The following DNAH17 variants were observed in gnomAD, a reference collection of about 807,000 sequenced individuals.
DNAH17 encodes the protein dynein axonemal heavy chain 17, also known as axonemal beta dynein heavy chain 17.
A neutral mutation model predicts 485.6 loss-of-function variants in DNAH17; 376 were observed. The observed-to-expected ratio is 0.77, with a 90% CI of 0.71 to 0.84. DNAH17 has a LOEUF of 0.84. DNAH17 is among the 40% of genes least tolerant of loss of function. The pLI is 0.00. For synonymous variants in DNAH17, 3,031 were observed against 2,405.9 expected, an observed-to-expected ratio of 1.26 and a Z score of -7.60; for missense variants, 6,370 against 5,839.3, an observed-to-expected ratio of 1.09 and a Z score of -2.96.
At chr17:78,433,921 GA>G (rs1369056006) in intron 75 of DNAH17, 107 bp downstream of exon 75, 73 of 819,302 alleles carry the variant, frequency 8.9e-5, no homozygotes, top group Non-Finnish European at 1.2e-4. Context: ...GAAAGGGAGG[GA>G]AGGAAGGAGG....
intron 36 of DNAH17, 197 bp downstream of exon 36, chr17:78,500,108 C>T (rs1364335817): frequency 3.4e-6 from 2 of 585,104 alleles, no homozygotes; most frequent in Admixed American, 3.3e-5. Flanking sequence ...TGCGTCTGTC[C>T]ACCCTGGAAG....
chr17:78,474,003 C>T (rs1478946809), intron 54 of DNAH17, among the ~76,000 whole-genome samples: 1 of 152,160 alleles, frequency 6.6e-6, no homozygotes, highest in Non-Finnish European at 1.5e-5. Context: ...CAGGCCGGCC[C>T]CTTTATACAT....
At position 78,501,766 on chromosome 17, in the gene DNAH17, C is replaced by T. The variant is rs772199855; in HGVS notation, c.5298G>A (p.Val1766=). The T allele has an allele frequency of 6.8e-6, 11 of 1,613,524 alleles. No individual in the cohort carries two copies. The South Asian group carries it at 1.1e-4, about 16-fold the overall frequency. Residue 1766 remains valine, a synonymous_variant, in exon 34 of 81, where the codon GTG becomes GTA. Coordinates refer to ENST00000389840, the MANE Select transcript of DNAH17 (RefSeq NM_173628.4). ...ICTIDVHARD[V]VAKMIVAKVE... is the part of the protein sequence containing the mutation. Reference sequence around the variant, plus strand: ...CCTTGGCCACGATCATTTTGGCCACCACGTCCCGTGCGTGCACATCGATGG... The same window carrying T: ...CCTTGGCCACGATCATTTTGGCCACTACGTCCCGTGCGTGCACATCGATGG...
At chr17:78,554,068 T>TAC (rs2091967160) in intron 14 of DNAH17, among the ~76,000 whole-genome samples, 1 of 152,174 alleles carries the variant, frequency 6.6e-6, no homozygotes. Flanking sequence ...GTGCTGGGAT[T>TAC]ACAGGTGTGA....
At chr17:78,570,752 G>A (rs2092340304) in intron 6 of DNAH17, among the ~76,000 whole-genome samples, 196 bp downstream of exon 6, 1 of 150,550 alleles carries the variant, frequency 6.6e-6, no homozygotes, top group African/African-American at 2.4e-5. Context: ...CAGCTACTCG[G>A]GAGGCAGAGG....
At chr17:78,484,700 G>T (rs954224200) in intron 48 of DNAH17, 168 bp downstream of exon 48, 33 of 410,604 alleles carry the variant, frequency 8.0e-5, no homozygotes, top group Non-Finnish European at 1.3e-4. Context: ...AAACTTGGGG[G>T]CCCAGCTACG....
In DNAH17 at chr17:78,426,481, G is replaced by C. The variant is rs141279735; in HGVS notation, c.12891C>G (p.Tyr4297Ter). 1.2e-6 allele frequency: 2 copies of C among 1,610,374 alleles called. No homozygotes were observed. The highest frequency in any genetic ancestry group is 1.6e-4 in the Middle Eastern group (1 of 6,064). ...YPSMMGLAAW[Y>*]ADLLLRIREL... ...CCCTGATGCGGAGCAGCAGGTCTGCGTACCAGGCCGCCAGGCCCATCATGG... is the reference window on the plus strand; with the variant it reads ...CCCTGATGCGGAGCAGCAGGTCTGCCTACCAGGCCGCCAGGCCCATCATGG... Residue 4297 changes from tyrosine to a stop codon, truncating the protein, a stop_gained, in exon 79 of 81, where the codon TAC becomes TAG. Coordinates refer to ENST00000389840, the MANE Select transcript of DNAH17 (RefSeq NM_173628.4). LOFTEE classifies it high-confidence loss of function.
rs1272000221 is a variant in DNAH17 at position 78,465,817 on chromosome 17, GC to G, written c.8940+837del. Among the ~76,000 whole-genome samples the G allele has an allele frequency of 9.3e-5, 14 of 149,796 alleles. No homozygotes were observed. In the East Asian group the frequency reaches 2.0e-3, roughly 22 times the overall value. On this transcript the variant is annotated intron_variant, in intron 56 of 80. Transcript: ENST00000389840. Reference sequence around the variant, plus strand: ...CGTCCAGGAGGGAGGTGGGGGGTCAGCCCCCCGCCCGGCCAGCCGCCCCGTC... The same window carrying G: ...CGTCCAGGAGGGAGGTGGGGGGTCAGCCCCCGCCCGGCCAGCCGCCCCGTC...
rs748651545 is a variant in DNAH17 at position 78,501,305 on chromosome 17, G to A, written c.5362C>T (p.Arg1788Trp). 3.7e-6 allele frequency: 6 copies of A among 1,605,020 alleles called. No individual in the cohort carries two copies. Among genetic ancestry groups the A allele is most frequent in the Non-Finnish European group, 4.3e-6 (5 of 1,172,862 alleles). Residue 1788 changes from arginine (R) to tryptophan (W), a missense_variant, in exon 35 of 81, where the codon CGG becomes TGG. Transcript: ENST00000389840. ...SQAFTWQAQL[R>W]HRWDEEKRHC... ...CGCTTCTCTTCGTCCCAGCGATGCC[G>A]GAGCTGGGCCTGCCAGGTGAAGGCC...
intron 27 of DNAH17, among the ~76,000 whole-genome samples, chr17:78,508,430 G>T (rs2120660): frequency 6.6e-6 from 1 of 152,034 alleles, no homozygotes; most frequent in African/African-American, 2.4e-5. Flanking sequence ...CTGCAACTCA[G>T]TACTTAAGTG....
At chr17:78,480,530 G>C (rs564359551) in intron 49 of DNAH17, among the ~76,000 whole-genome samples, 154 bp downstream of exon 49, 1 of 152,136 alleles carries the variant, frequency 6.6e-6, no homozygotes, top group Non-Finnish European at 1.5e-5. Flanking sequence ...TCCATGCCCT[G>C]GAATTTTCTG....
intron 39 of DNAH17, 30 bp downstream of exon 39, chr17:78,494,929 C>T: frequency 1.3e-6 from 2 of 1,596,614 alleles, no homozygotes; most frequent in Admixed American, 1.7e-5. Context: ...CTCCCACCCA[C>T]ACCCGCCGTG....
At chr17:78,479,256 G>A (rs902328154) in intron 50 of DNAH17, 140 bp from the exon 51 acceptor site, 26 of 1,027,182 alleles carry the variant, frequency 2.5e-5, no homozygotes, top group Non-Finnish European at 3.2e-5. Flanking sequence ...TGAAGTGGGA[G>A]GGAATTTGCT....
chr17:78,527,109 G>A lies in DNAH17; in HGVS notation c.3508-113C>T, dbSNP rs62075880. The A allele has an allele frequency of 0.15, 131,776 of 852,274 alleles. 11,526 individuals are homozygous for A. The highest frequency in any genetic ancestry group is 0.21 in the Middle Eastern group (633 of 2,950). 52.8% of individuals were successfully genotyped at this position (852,274 alleles called of 1,614,324 possible). A position where few individuals can be genotyped will look rare whatever the true frequency, so the allele number is the denominator to read the frequency against. On this transcript the variant is annotated intron_variant, in intron 22 of 80. Coordinates refer to ENST00000389840, the MANE Select transcript of DNAH17 (RefSeq NM_173628.4). ...CTGCAAAAACAGTGCAGGGGCCGGC[G>A]CGGTGGCTCACACCTGTAATCTCAG...
At position 78,552,909 on chromosome 17, in the gene DNAH17, T is replaced by A. The variant is rs1348880142; in HGVS notation, c.2179-104A>T. The A allele has an allele frequency of 3.8e-6, 3 of 789,914 alleles. No individual in the cohort carries two copies. The African/African-American group carries it at 5.1e-5, about 13-fold the overall frequency. The allele number at this position is 789,914 out of a possible 1,614,324, so 48.9% of individuals were successfully genotyped here. Reference sequence around the variant, plus strand: ...TCAACACCAACTAATACGGTTTGGATCTGTGTCCCCACTCAGGTCTCATGT... The same window carrying A: ...TCAACACCAACTAATACGGTTTGGAACTGTGTCCCCACTCAGGTCTCATGT... On this transcript the variant is annotated intron_variant, in intron 14 of 80. Coordinates refer to ENST00000389840, the MANE Select transcript of DNAH17 (RefSeq NM_173628.4).
At chr17:78,430,697 C>T (rs1442919155) in intron 75 of DNAH17, among the ~76,000 whole-genome samples, 1 of 152,208 alleles carries the variant, frequency 6.6e-6, no homozygotes, top group Admixed American at 6.5e-5. Context: ...TCTCCTGCCT[C>T]AGCCTTCTGA....
intron 71 of DNAH17, among the ~76,000 whole-genome samples, chr17:78,441,592 A>G (rs1208202188): frequency 6.6e-6 from 1 of 152,090 alleles, no homozygotes; most frequent in Non-Finnish European, 1.5e-5. Context: ...CAGATGATAT[A>G]AACACCTCTC....
chr17:78,552,007 G>A (rs2091913229), intron 15 of DNAH17, among the ~76,000 whole-genome samples: 1 of 151,982 alleles, frequency 6.6e-6, no homozygotes, highest in African/African-American at 2.4e-5. Context: ...ACTTTTCTTG[G>A]GTTGGCTTAA....
chr17:78,450,059 TG>T, intron 68 of DNAH17, 194 bp downstream of exon 68: 2 of 624,828 alleles, frequency 3.2e-6, no homozygotes, highest in Non-Finnish European at 5.6e-6. Flanking sequence ...TACCCTCTCC[TG>T]GGGAGAATGG....
Sources: allele counts gnomAD v4.1 joint callset (sites outside exome capture counted in the v4.1 genomes callset), GRCh38; gene constraint gnomAD v4.1.1; transcripts MANE v1.5; gene names NCBI Gene and HGNC (gene_info 2026-07-23, HGNC 2026-07-21).